Variants in VWC2L observed in about 807,000 individuals in gnomAD.
VWC2L encodes the protein von Willebrand factor C domain containing 2 like, also known as von Willebrand factor C domain-containing protein 2-like.
VWC2L carries 10 observed loss-of-function variants against 21.6 expected under a neutral mutation model. The ratio of observed to expected loss-of-function variants is 0.46; its 90% CI spans 0.29 to 0.78. The LOEUF (loss-of-function observed/expected upper bound fraction) is 0.78, where lower values mean the gene tolerates loss of function less well. Among genes scored for constraint, VWC2L ranks in the 30% least tolerant of loss-of-function variants. The pLI, the probability that VWC2L is intolerant of heterozygous loss-of-function variation, is 0.10. For missense variants in VWC2L, 209 were observed against 277.1 expected (o/e 0.75, Z 1.74); for synonymous variants, 96 against 94.3 (o/e 1.02, Z -0.10).
At chr2:214,473,653 G>A (rs1444046044) in intron 3 of VWC2L, 1 of 151,774 alleles carries the variant, frequency 6.6e-6, no homozygotes, top group Non-Finnish European at 1.5e-5. Context: ...GTCCAGTTTT[G>A]GGGAAGGCAT....
chr2:214,433,836 G>A (rs1574562302), intron 2 of VWC2L, among the ~76,000 whole-genome samples: 1 of 152,090 alleles, frequency 6.6e-6, no homozygotes, highest in Non-Finnish European at 1.5e-5. Context: ...AAAGAGGCTT[G>A]GCAAGTCTGG....
rs565592595 is a variant in VWC2L at position 214,543,295 on chromosome 2, T to C, written c.521-32377T>C. On this transcript the variant is annotated intron_variant, in intron 3 of 3. Transcript: ENST00000312504. ...ATTTTTGAGGCCTCTCAATTCTCCATAGAGTGTTTACCTTTAAATATATTT... is the reference window on the plus strand; with the variant it reads ...ATTTTTGAGGCCTCTCAATTCTCCACAGAGTGTTTACCTTTAAATATATTT... Among the ~76,000 whole-genome samples the C allele has an allele frequency of 1.8e-3, 269 of 152,338 alleles. 1 individual carries two copies. Among genetic ancestry groups the C allele is most frequent in the Admixed American group, 3.7e-3 (56 of 15,286 alleles).
At chr2:214,461,053 A>G (rs1196950106) in intron 3 of VWC2L, among the ~76,000 whole-genome samples, 1 of 152,198 alleles carries the variant, frequency 6.6e-6, no homozygotes, top group Non-Finnish European at 1.5e-5. Flanking sequence ...TAATTTCCTC[A>G]GTGACTTGGG....
At chr2:214,489,599 A>G (rs1317036030) in intron 3 of VWC2L, among the ~76,000 whole-genome samples, 7 of 152,238 alleles carry the variant, frequency 4.6e-5, no homozygotes, top group Admixed American at 4.6e-4. Context: ...TTTCTGGCTT[A>G]ATGGATTTTG....
intron 3 of VWC2L, among the ~76,000 whole-genome samples, chr2:214,545,630 A>G (rs1479595934): frequency 1.3e-5 from 2 of 152,190 alleles, no homozygotes; most frequent in African/African-American, 4.8e-5. Context: ...AAGCATTGCT[A>G]TCTCTTCTGA....
chr2:214,516,292 T>C (rs752608222), intron 3 of VWC2L, among the ~76,000 whole-genome samples: 61 of 152,116 alleles, frequency 4.0e-4, no homozygotes, highest in Non-Finnish European at 5.4e-4. Flanking sequence ...AGTGTAACGC[T>C]GCTCTCACCC....
intron 3 of VWC2L, among the ~76,000 whole-genome samples, chr2:214,565,469 C>T (rs1690048191): frequency 6.6e-6 from 1 of 152,200 alleles, no homozygotes; most frequent in Admixed American, 6.5e-5. Context: ...TATACCTCCC[C>T]TGACCCTACC....
Position 214,576,439 on chromosome 2 carries a change from G to A in VWC2L, c.*619G>A, listed in dbSNP as rs1409374647. 2 of 152,144 alleles carry A rather than the reference G, an allele frequency of 1.3e-5. No individual in the cohort carries two copies. The highest frequency in any genetic ancestry group is 2.9e-5 in the Non-Finnish European group (2 of 68,036). 9.4% of individuals were successfully genotyped at this position (152,144 alleles called of 1,614,324 possible). On this transcript the variant is annotated 3_prime_UTR_variant, in exon 4 of 4. Coordinates refer to ENST00000312504, the MANE Select transcript of VWC2L (RefSeq NM_001080500.4). ...ATAGACGGGCCTATTGCTGGACAGG[G>A]TTGGGAACAAGTACTTTGTCCATTA...
At chr2:214,561,871 T>C (rs10804232) in intron 3 of VWC2L, among the ~76,000 whole-genome samples, 147,461 of 148,300 alleles carry the variant, frequency 0.99, 73,318 homozygotes, top group East Asian at 1. Flanking sequence ...TATATCTAAA[T>C]TTAATATATC....
At chr2:214,499,515 G>T (rs1353157610) in intron 3 of VWC2L, among the ~76,000 whole-genome samples, 1 of 134,232 alleles carries the variant, frequency 7.4e-6, no homozygotes, top group Non-Finnish European at 1.6e-5. Flanking sequence ...GGTGGGGGGA[G>T]GGGTGGAGGG....
chr2:214,549,748 G>A (rs1689764305), intron 3 of VWC2L, among the ~76,000 whole-genome samples: 1 of 152,202 alleles, frequency 6.6e-6, no homozygotes, highest in South Asian at 2.1e-4. Flanking sequence ...ACTCCAGCCT[G>A]GCAACAGAGC....
chr2:214,531,067 C>T (rs1025012635), intron 3 of VWC2L, among the ~76,000 whole-genome samples: 7 of 152,178 alleles, frequency 4.6e-5, no homozygotes, highest in Admixed American at 1.3e-4. Context: ...GTGAACTTAA[C>T]TGTGTTTCGG....
chr2:214,414,099 A>C lies in VWC2L; in HGVS notation c.-80-15A>C. 7.5e-7 allele frequency: 1 copy of C among 1,328,734 alleles called. No homozygotes were observed. The highest frequency in any genetic ancestry group is 1.0e-6 in the Non-Finnish European group (1 of 978,744). 82.3% of individuals were successfully genotyped at this position (1,328,734 alleles called of 1,614,324 possible). On this transcript the variant is annotated splice_polypyrimidine_tract_variant and intron_variant, in intron 1 of 3. Coordinates refer to ENST00000312504, the MANE Select transcript of VWC2L (RefSeq NM_001080500.4). ...TATATATGTCAAATTATTCTTTTTAAATATTTATTTTCAGCCTACCCCTCT... is the reference window on the plus strand; with the variant it reads ...TATATATGTCAAATTATTCTTTTTACATATTTATTTTCAGCCTACCCCTCT...
chr2:214,458,350 C>G (rs1178620715), intron 3 of VWC2L, among the ~76,000 whole-genome samples: 2 of 151,798 alleles, frequency 1.3e-5, no homozygotes, highest in African/African-American at 4.8e-5. Context: ...AACAGTTTAT[C>G]AATTTTGTTT....
chr2:214,462,776 T>G (rs1341540466), intron 3 of VWC2L, among the ~76,000 whole-genome samples: 2 of 152,204 alleles, frequency 1.3e-5, no homozygotes, highest in African/African-American at 4.8e-5. Flanking sequence ...TACCGTAAGC[T>G]TTTCTATAAA....
intron 2 of VWC2L, among the ~76,000 whole-genome samples, chr2:214,425,333 TA>T (rs1193592261): frequency 6.6e-6 from 1 of 152,180 alleles, no homozygotes; most frequent in African/African-American, 2.4e-5. Flanking sequence ...TTCACACAAG[TA>T]AATTTCAAAA....
chr2:214,526,771 GT>G (rs1689346030), intron 3 of VWC2L, among the ~76,000 whole-genome samples: 1 of 152,178 alleles, frequency 6.6e-6, no homozygotes, highest in Admixed American at 6.5e-5. Context: ...ATGTAAATTA[GT>G]TCAGCCACTG....
rs529959358 is a variant in VWC2L at position 214,569,079 on chromosome 2, A to T, written c.521-6593A>T. Among the ~76,000 whole-genome samples the T allele has an allele frequency of 2.0e-5, 3 of 152,258 alleles. No homozygotes were observed. In the East Asian group the frequency reaches 5.8e-4, roughly 29 times the overall value. On this transcript the variant is annotated intron_variant, in intron 3 of 3. Coordinates refer to ENST00000312504, the MANE Select transcript of VWC2L (RefSeq NM_001080500.4). Reference sequence around the variant, plus strand: ...GGCAATGTGCTAATTGCTGACACTAATTTGATATTACTCCAGCATTTCAGT... The same window carrying T: ...GGCAATGTGCTAATTGCTGACACTATTTTGATATTACTCCAGCATTTCAGT...
intron 3 of VWC2L, among the ~76,000 whole-genome samples, chr2:214,451,471 T>C (rs979175754): frequency 2.0e-5 from 3 of 151,852 alleles, no homozygotes; most frequent in African/African-American, 7.3e-5. Flanking sequence ...GATCTATGAA[T>C]GCTAAATCTC....
Sources: gnomAD v4.1 joint callset for allele counts (sites outside exome capture counted in the v4.1 genomes callset) on GRCh38, gnomAD v4.1.1 for gene constraint, MANE v1.5 for transcripts, NCBI Gene and HGNC (gene_info 2026-07-23, HGNC 2026-07-21) for gene names.